Variants in GPC6 observed in about 807,000 individuals in gnomAD.
The protein encoded by GPC6 is glypican 6, also known as glypican-6.
In GPC6, 14 loss-of-function variants were observed where a neutral mutation model predicts 55.2. That is an observed-to-expected ratio of 0.25 (90% CI 0.17 to 0.40). GPC6 has a LOEUF of 0.40. GPC6 is among the 10% of genes least tolerant of loss of function. GPC6 has a pLI of 1.00. For missense variants in GPC6, 641 were observed against 708.5 expected (o/e 0.90, Z 1.08); for synonymous variants, 278 against 259.6 (o/e 1.07, Z -0.68).
intron 5 of GPC6, among the ~76,000 whole-genome samples, chr13:94,298,535 T>C (rs1007680330): frequency 1.3e-5 from 2 of 152,214 alleles, no homozygotes; most frequent in Non-Finnish European, 1.5e-5. Context: ...GCCTGAGCTC[T>C]GAGCCCAGCT....
chr13:94,178,016 G>A (rs1888846026), intron 4 of GPC6, among the ~76,000 whole-genome samples: 1 of 126,900 alleles, frequency 7.9e-6, no homozygotes, highest in African/African-American at 3.6e-5. Context: ...CTTTTTCAGT[G>A]GCCTTTTAAT....
chr13:93,651,079 C>T (rs1389038412), intron 2 of GPC6, among the ~76,000 whole-genome samples: 2 of 152,288 alleles, frequency 1.3e-5, no homozygotes, highest in Admixed American at 6.5e-5. Flanking sequence ...ACACAAGAGG[C>T]ATCACCCACC....
chr13:93,274,903 T>C (rs1027555783), intron 1 of GPC6, among the ~76,000 whole-genome samples: 3 of 152,208 alleles, frequency 2.0e-5, no homozygotes, highest in African/African-American at 7.2e-5. Context: ...ATATCACAAA[T>C]TAGGGTCTTA....
chr13:93,893,939 A>T (rs1165495793), intron 3 of GPC6, among the ~76,000 whole-genome samples: 1 of 152,160 alleles, frequency 6.6e-6, no homozygotes, highest in African/African-American at 2.4e-5. Context: ...CTTTTCCTCA[A>T]TTAAGAACAC....
chr13:94,312,955 C>T (rs566731928), intron 6 of GPC6, among the ~76,000 whole-genome samples: 28 of 152,342 alleles, frequency 1.8e-4, no homozygotes, highest in African/African-American at 6.7e-4. Flanking sequence ...TTGTGAACGA[C>T]CCGGTCTTGC....
chr13:93,385,482 C>G (rs538637459), intron 1 of GPC6, among the ~76,000 whole-genome samples: 28 of 152,318 alleles, frequency 1.8e-4, no homozygotes, highest in African/African-American at 6.5e-4. Flanking sequence ...TTAGAGGCAC[C>G]TAAAGAGGAT....
At chr13:93,376,594 G>C (rs1874908184) in intron 1 of GPC6, among the ~76,000 whole-genome samples, 1 of 152,158 alleles carries the variant, frequency 6.6e-6, no homozygotes, top group Non-Finnish European at 1.5e-5. Context: ...GACAGACAAG[G>C]CTTGAAAGAA....
chr13:93,968,646 T>A (rs1473584789), intron 3 of GPC6, among the ~76,000 whole-genome samples: 1 of 152,138 alleles, frequency 6.6e-6, no homozygotes, highest in East Asian at 1.9e-4. Flanking sequence ...TTTCATATCC[T>A]TTTTAAATAA....
chr13:93,895,224 G>GTA (rs1594566423), intron 3 of GPC6, among the ~76,000 whole-genome samples: 1 of 64,880 alleles, frequency 1.5e-5, no homozygotes, highest in Non-Finnish European at 3.2e-5. Context: ...GTGTATGTAT[G>GTA]TGTGTGTGTG....
chr13:94,057,434 G>A (rs914832687), intron 4 of GPC6, among the ~76,000 whole-genome samples: 1 of 152,156 alleles, frequency 6.6e-6, no homozygotes, highest in African/African-American at 2.4e-5. Flanking sequence ...GAAAATCTGT[G>A]TTTGCTGTTG....
chr13:93,592,360 A>AAT (rs34179629), intron 2 of GPC6, among the ~76,000 whole-genome samples: 92,814 of 144,738 alleles, frequency 0.64, 32,980 homozygotes, highest in South Asian at 0.8. Context: ...ATATATGTAA[A>AAT]ATATATATAT....
intron 2 of GPC6, among the ~76,000 whole-genome samples, chr13:93,684,614 T>C: frequency 6.6e-6 from 1 of 152,364 alleles, no homozygotes; most frequent in East Asian, 1.9e-4. Flanking sequence ...TGAAGTTTTT[T>C]ATAATGTCAC....
intron 2 of GPC6, among the ~76,000 whole-genome samples, chr13:93,589,125 G>C (rs1476128943): frequency 1.3e-5 from 2 of 152,104 alleles, no homozygotes; most frequent in African/African-American, 4.8e-5. Flanking sequence ...GTTGGAAAAA[G>C]AGTACAAGGA....
intron 4 of GPC6, among the ~76,000 whole-genome samples, chr13:94,134,320 C>T (rs1274365587): frequency 6.6e-6 from 1 of 152,146 alleles, no homozygotes; most frequent in African/African-American, 2.4e-5. Context: ...GAAGATAACA[C>T]AGACCCCTGC....
At chr13:94,125,082 A>C (rs970737435) in intron 4 of GPC6, among the ~76,000 whole-genome samples, 1 of 152,154 alleles carries the variant, frequency 6.6e-6, no homozygotes, top group Non-Finnish European at 1.5e-5. Context: ...CCTTAAATAC[A>C]AGAGTGGAGC....
At chr13:94,364,958 G>A (rs148883364) in intron 6 of GPC6, among the ~76,000 whole-genome samples, 1 of 152,180 alleles carries the variant, frequency 6.6e-6, no homozygotes, top group Non-Finnish European at 1.5e-5. Context: ...ATTTGAACTT[G>A]CCCTTCTGCC....
intron 6 of GPC6, among the ~76,000 whole-genome samples, chr13:94,353,431 C>A (rs971035331): frequency 6.6e-6 from 1 of 152,146 alleles, no homozygotes; most frequent in African/African-American, 2.4e-5. Flanking sequence ...AGATGCTGCA[C>A]CTCATTTGGG....
At chr13:93,959,099 T>G (rs1223549953) in intron 3 of GPC6, among the ~76,000 whole-genome samples, 1 of 152,156 alleles carries the variant, frequency 6.6e-6, no homozygotes, top group Non-Finnish European at 1.5e-5. Flanking sequence ...GTTTTCTAGG[T>G]ATAAAATCAT....
At chr13:93,926,801 C>A (rs555091755) in intron 3 of GPC6, among the ~76,000 whole-genome samples, 3,655 of 152,142 alleles carry the variant, frequency 0.024, 57 homozygotes, top group Middle Eastern at 0.051. Context: ...ATCAGGTACC[C>A]CCTCAACTTT....
Sources: gnomAD v4.1 joint callset for allele counts (sites outside exome capture counted in the v4.1 genomes callset) on GRCh38, gnomAD v4.1.1 for gene constraint, MANE v1.5 for transcripts, NCBI Gene and HGNC (gene_info 2026-07-23, HGNC 2026-07-21) for gene names.